CYP2R1: variants seen among roughly 807,000 people sequenced by gnomAD.
The protein encoded by CYP2R1 is vitamin D 25-hydroxylase.
In CYP2R1, 40 loss-of-function variants were observed where a neutral mutation model predicts 45.7. The observed-to-expected ratio is 0.87, with a 90% confidence interval of 0.68 to 1.14. The LOEUF is 1.14. CYP2R1 is among the 50% of genes most tolerant of loss of function. The pLI, the probability that CYP2R1 is intolerant of heterozygous loss-of-function variation, is 0.00. For synonymous variants in CYP2R1, 234 were observed against 219.3 expected (o/e 1.07, Z -0.59); for missense variants, 605 against 602.6 (o/e 1.00, Z -0.04).
Position 14,892,067 on chromosome 11 carries a change from G to C in CYP2R1, c.139C>G (p.Pro47Ala). 1 of 1,612,184 alleles carries C rather than the reference G, an allele frequency of 6.2e-7. No individual in the cohort carries two copies. The highest frequency in any genetic ancestry group is 8.5e-7 in the Non-Finnish European group (1 of 1,179,700). ...AGGGAATAGATGTTGCCGATAAATG[G>C]CAGCCCCGGCGGCCCCGGGGGGAAG... ...MGFPPGPPGL[P>A]FIGNIYSLAA... The change falls in exon 1 of 5, where the codon CCA (proline) becomes GCA (alanine). Residue 47 changes from proline (P) to alanine (A), a missense_variant. By Grantham distance (27) the Pro-to-Ala change is conservative. Transcript: ENST00000334636.
intron 1 of CYP2R1, chr11:14,887,186 G>C (rs534524515): frequency 1.3e-5 from 2 of 152,358 alleles, no homozygotes; most frequent in East Asian, 3.9e-4. Flanking sequence ...CATTCCACAA[G>C]GATAGTAAAA....
intron 1 of CYP2R1, among the ~76,000 whole-genome samples, chr11:14,889,164 G>GTTTTT (rs11410959): frequency 2.1e-5 from 3 of 140,176 alleles, no homozygotes; most frequent in Non-Finnish European, 1.5e-5. Flanking sequence ...AAGTCCAGTT[G>GTTTTT]TTTTTTTTTT....
chr11:14,887,715 C>T (rs1295817528), intron 1 of CYP2R1: 29 of 800,860 alleles, frequency 3.6e-5, no homozygotes, highest in Non-Finnish European at 4.2e-5. Flanking sequence ...CAGTTAATGA[C>T]CACTCCATAC....
In CYP2R1 at chr11:14,880,754, T is replaced by C; in HGVS notation, c.382A>G (p.Arg128Gly). Residue 128 changes from arginine to glycine, a missense_variant, in exon 3 of 5, where the codon AGA (arginine) becomes GGA (glycine). By Grantham distance (125) the Arg-to-Gly change is moderately radical (BLOSUM62 -2). Coordinates refer to ENST00000334636, the MANE Select transcript of CYP2R1 (RefSeq NM_024514.5). ...TGATCAACCCATCCTCGGCCATATC[T>C]GGAATTGAGTAAGCCTGAAAAAAAA... ...MTKMGGLLNS[R>G]YGRGWVDHRR... is the part of the protein sequence containing the mutation. 6.2e-7 allele frequency: 1 copy of C among 1,607,986 alleles called. No homozygotes were observed. The highest frequency in any genetic ancestry group is 1.1e-5 in the South Asian group (1 of 89,650).
At position 14,880,437 on chromosome 11, in the gene CYP2R1, T is replaced by C. The variant is rs1217037549; in HGVS notation, c.699A>G (p.Pro233=). 3 of 1,613,344 alleles carry C rather than the reference T, an allele frequency of 1.9e-6. No individual in the cohort carries two copies. Among genetic ancestry groups the C allele is most frequent in the Non-Finnish European group, 2.5e-6 (3 of 1,179,690 alleles). Residue 233 remains proline, a synonymous_variant, in exon 3 of 5, where the codon CCA becomes CCG. Transcript: ENST00000334636. ...TTCCAAAAGGCAGGATGCCAATCCA[T>C]GGAAAGGCATTATACAAGAAGACTG... ...SASVFLYNAF[P]WIGILPFGKH...
intron 1 of CYP2R1, chr11:14,891,240 C>T (rs1269855275): frequency 1.0e-6 from 1 of 984,942 alleles, no homozygotes; most frequent in African/African-American, 1.7e-5. Flanking sequence ...GAGCGAAGTA[C>T]CGACCTCACC....
intron 2 of CYP2R1, among the ~76,000 whole-genome samples, chr11:14,884,566 G>A (rs1848533548): frequency 6.6e-6 from 1 of 150,758 alleles, no homozygotes; most frequent in Non-Finnish European, 1.5e-5. Flanking sequence ...AGCATTAGGA[G>A]ATATACCTAA....
chr11:14,890,534 A>ATTTT (rs1565189371), intron 1 of CYP2R1: 7 of 170,252 alleles, frequency 4.1e-5, no homozygotes, highest in South Asian at 2.4e-4. Context: ...ACCTAGACCA[A>ATTTT]TTCTTTTTTT....
chr11:14,889,695 T>G (rs1555015929), intron 1 of CYP2R1, among the ~76,000 whole-genome samples: 1 of 152,200 alleles, frequency 6.6e-6, no homozygotes, highest in African/African-American at 2.4e-5. Context: ...GAAATATTCA[T>G]AGTAATACCG....
chr11:14,892,364 C>T, upstream of CYP2R1: 2 of 690,716 alleles, frequency 2.9e-6, no homozygotes, highest in Non-Finnish European at 4.8e-6. Flanking sequence ...GGGACAACTA[C>T]CTTCTAGTTT....
In CYP2R1 at chr11:14,877,924, C is replaced by T. The variant is rs540425350; in HGVS notation, c.*198G>A. The T allele has an allele frequency of 1.6e-5, 9 of 580,214 alleles. No individual in the cohort carries two copies. The South Asian group carries it at 2.2e-4, about 14-fold the overall frequency. The allele number at this position is 580,214 out of a possible 1,614,324, so 35.9% of individuals were successfully genotyped here. ...TTGTGTCTCTCAACAGAGAATTTTACCCCAGAAGTCATAAAATCTTGAAAA... is the reference window on the plus strand; with the variant it reads ...TTGTGTCTCTCAACAGAGAATTTTATCCCAGAAGTCATAAAATCTTGAAAA... On this transcript the variant is annotated 3_prime_UTR_variant, in exon 5 of 5. Coordinates refer to ENST00000334636, the MANE Select transcript of CYP2R1 (RefSeq NM_024514.5).
At chr11:14,890,927 C>G in intron 1 of CYP2R1, 1 of 985,422 alleles carries the variant, frequency 1.0e-6, no homozygotes, top group Non-Finnish European at 1.2e-6. Flanking sequence ...CCAAACATCC[C>G]TGTACTTTTC....
chr11:14,892,023 A>C lies in CYP2R1; in HGVS notation c.183T>G (p.Leu61=). The C allele has an allele frequency of 1.2e-6, 2 of 1,613,256 alleles. No individual in the cohort carries two copies. The highest frequency in any genetic ancestry group is 1.7e-6 in the Non-Finnish European group (2 of 1,179,662). The change falls in exon 1 of 5, where the codon CTT becomes CTG. Residue 61 remains leucine, a synonymous_variant. Coordinates refer to ENST00000334636, the MANE Select transcript of CYP2R1 (RefSeq NM_024514.5). ...TCTGCTTTCTCATGTAGACATGGGG[A>C]AGCTCGGATGAGGCTGCCAGGGAAT... ...NIYSLAASSE[L]PHVYMRKQSQ...
Position 14,890,394 on chromosome 11 carries a change from T to C in CYP2R1, c.225+1587A>G, listed in dbSNP as rs183290997. 90 of 854,416 alleles carry C rather than the reference T, an allele frequency of 1.1e-4. 1 individual carries two copies. The East Asian group carries it at 1.8e-3, about 17-fold the overall frequency. 52.9% of individuals were successfully genotyped at this position (854,416 alleles called of 1,614,324 possible). On this transcript the variant is annotated intron_variant, in intron 1 of 4. Transcript: ENST00000334636. ...GGGAATAAACTCAATTCTGGGAGAA[T>C]TGCAGGTTGGAAAATAAGATCTAAG...
rs1555014413 is a variant in CYP2R1 at position 14,885,934 on chromosome 11, A to C, written c.226-17T>G. On this transcript the variant is annotated splice_polypyrimidine_tract_variant and intron_variant, in intron 1 of 4. Coordinates refer to ENST00000334636, the MANE Select transcript of CYP2R1 (RefSeq NM_024514.5). ...ACTGAAGATCTTTGAGAAGAGAAGA[A>C]AAACAACATTTAAATGACAGCATGT... 5.0e-6 allele frequency: 8 copies of C among 1,612,024 alleles called. No homozygotes were observed. Among genetic ancestry groups the C allele is most frequent in the Non-Finnish European group, 6.8e-6 (8 of 1,178,400 alleles).
In CYP2R1 at chr11:14,879,131, A is replaced by C; in HGVS notation, c.1313T>G (p.Leu438Trp). The C allele has an allele frequency of 1.2e-6, 2 of 1,613,090 alleles. No individual in the cohort carries two copies. The highest frequency in any genetic ancestry group is 2.7e-5 in the African/African-American group (2 of 74,994). The stretch of plus-strand genomic sequence containing the variant: ...TCTCTTACCTAGGGAAAAAGGAACC[A>C]AAGCTTCCTTCTTGGCAAAATATCC... Reference protein sequence around the residue: ...SSGYFAKKEALVPFSLGRRHC... With the variant: ...SSGYFAKKEAWVPFSLGRRHC... Residue 438 changes from leucine to tryptophan, a missense_variant, in exon 4 of 5, where the codon TTG becomes TGG. Leu to Trp is a moderately conservative substitution (Grantham distance 61, BLOSUM62 -2). Coordinates refer to ENST00000334636, the MANE Select transcript of CYP2R1 (RefSeq NM_024514.5).
intron 2 of CYP2R1, among the ~76,000 whole-genome samples, chr11:14,884,007 C>T (rs1217686106): frequency 3.9e-5 from 6 of 152,030 alleles, no homozygotes; most frequent in Non-Finnish European, 5.9e-5. Context: ...GTTAGAATGG[C>T]AATCATTAAA....
rs782623996 is a variant in CYP2R1 at position 14,880,354 on chromosome 11, A to T, written c.782T>A (p.Ile261Asn). The T allele has an allele frequency of 1.9e-6, 3 of 1,613,242 alleles. No homozygotes were observed. The highest frequency in any genetic ancestry group is 2.7e-5 in the African/African-American group (2 of 74,870). Residue 261 changes from isoleucine to asparagine, a missense_variant, in exon 3 of 5, where the codon ATT becomes AAT. Physicochemically the swap from Ile to Asn is moderately radical, Grantham distance 149. Coordinates refer to ENST00000334636, the MANE Select transcript of CYP2R1 (RefSeq NM_024514.5). ...CTTTCTGTTGACTGAAGCTTTTTCAATGAGTCTGGAGAGAAAATCATAGAC... is the reference window on the plus strand; with the variant it reads ...CTTTCTGTTGACTGAAGCTTTTTCATTGAGTCTGGAGAGAAAATCATAGAC... The part of the protein sequence containing the change: ...AVVYDFLSRL[I>N]EKASVNRKPQ...
rs1555010339 is a variant in CYP2R1, at chr11:14,878,236, T to C, written c.1392A>G (p.Ala464=). ...ARMEMFLFFT[A]LLQRFHLHFP... Reference sequence around the variant, plus strand: ...AATGCAAATGAAACCTCTGAAGCAATGCTGTAAAAAACAAGAACATTTCCA... The same window carrying C: ...AATGCAAATGAAACCTCTGAAGCAACGCTGTAAAAAACAAGAACATTTCCA... The change falls in exon 5 of 5, where the codon GCA becomes GCG. Residue 464 remains alanine, a synonymous_variant. Coordinates refer to ENST00000334636, the MANE Select transcript of CYP2R1 (RefSeq NM_024514.5). The C allele has an allele frequency of 1.9e-6, 3 of 1,613,116 alleles. No homozygotes were observed. In the East Asian group the frequency reaches 6.7e-5, roughly 36 times the overall value.
Sources: allele counts gnomAD v4.1 joint callset (sites outside exome capture counted in the v4.1 genomes callset), GRCh38; gene constraint gnomAD v4.1.1; transcripts MANE v1.5; gene names NCBI Gene and HGNC (gene_info 2026-07-23, HGNC 2026-07-21).